The following UBE2A variants were observed in gnomAD, a reference collection of about 807,000 sequenced individuals.
UBE2A encodes ubiquitin-conjugating enzyme E2 A.
For missense variants in UBE2A, 27 were observed against 125.8 expected, an observed-to-expected ratio of 0.21 and a Z score of 3.76; for synonymous variants, 39 against 41.1, an observed-to-expected ratio of 0.95 and a Z score of 0.20.
intron 2 of UBE2A, 104 bp from the exon 3 acceptor site, chrX:119,575,271 G>C: frequency 8.9e-7 from 1 of 1,123,567 alleles, no homozygotes; most frequent in South Asian, 1.8e-5. Context: ...TTCCGACCCC[G>C]GTAGCGGTGC....
At chrX:119,582,253 CA>C (rs1445016469) in intron 4 of UBE2A, 3 of 149,908 alleles carry the variant, frequency 2.0e-5, no homozygotes, top group Admixed American at 7.7e-5. Context: ...ATACAGCCTA[CA>C]AATTTGGTGG....
At chrX:119,580,979 T>C (rs905636591) in intron 3 of UBE2A, 2 of 112,392 alleles carry the variant, frequency 1.8e-5, no homozygotes, top group Non-Finnish European at 3.8e-5. Flanking sequence ...AAGTTTTCAT[T>C]ATAGGGTCAC....
chrX:119,578,773 G>A (rs1033803181), intron 3 of UBE2A, among the ~76,000 whole-genome samples: 2 of 111,167 alleles, frequency 1.8e-5, no homozygotes, highest in Admixed American at 9.6e-5. Context: ...CACTTAACAC[G>A]TTTATGTAAT....
At position 119,581,710 on chromosome X, in the gene UBE2A, T is replaced by C. The variant is rs949945427; in HGVS notation, c.241+114T>C. The stretch of plus-strand genomic sequence containing the variant: ...AGTATTTGTTTAGGCAGCTTGCTGC[T>C]TCTTGAAAGCTGAACTTGTTCTTGG... On this transcript the variant is annotated intron_variant, in intron 4 of 5. Coordinates refer to ENST00000371558, the MANE Select transcript of UBE2A (RefSeq NM_003336.4). The C allele has an allele frequency of 8.4e-6, 5 of 591,928 alleles. No individual in the cohort carries two copies. In the Admixed American group the frequency reaches 1.3e-4, roughly 15 times the overall value. 48.8% of individuals were successfully genotyped at this position (591,928 alleles called of 1,213,427 possible). A position where few individuals can be genotyped will look rare whatever the true frequency, so the allele number is the denominator to read the frequency against.
chrX:119,578,695 AGT>A (rs1380851984), intron 3 of UBE2A, among the ~76,000 whole-genome samples: 1 of 111,434 alleles, frequency 9.0e-6, no homozygotes. Flanking sequence ...TGACTTTGTG[AGT>A]GTCTTTAGGC....
intron 3 of UBE2A, among the ~76,000 whole-genome samples, chrX:119,578,147 G>T (rs7892285): frequency 0.044 from 4,937 of 111,631 alleles, 97 homozygotes; most frequent in South Asian, 0.094. Flanking sequence ...TTAGAGTGAT[G>T]AAATCTTAAG....
rs756364550 is a variant in UBE2A at position 119,583,588 on chromosome X, T to C, written c.*333T>C. On this transcript the variant is annotated 3_prime_UTR_variant, in exon 6 of 6. Coordinates refer to ENST00000371558, the MANE Select transcript of UBE2A (RefSeq NM_003336.4). ...TGAATTGTTATACAAGAGGTGCTTATGCTTAGCTTGATGACCAGGATGTTA... is the reference window on the plus strand; with the variant it reads ...TGAATTGTTATACAAGAGGTGCTTACGCTTAGCTTGATGACCAGGATGTTA... 5 of 230,860 alleles carry C rather than the reference T, an allele frequency of 2.2e-5. No individual in the cohort carries two copies. The East Asian group carries it at 3.1e-4, about 14-fold the overall frequency. The allele number at this position is 230,860 out of a possible 1,213,427, so 19.0% of individuals were successfully genotyped here. A position where few individuals can be genotyped will look rare whatever the true frequency, so the allele number is the denominator to read the frequency against.
At chrX:119,575,060 G>T in intron 2 of UBE2A, 79 bp downstream of exon 2, 1 of 1,132,259 alleles carries the variant, frequency 8.8e-7, no homozygotes, top group South Asian at 1.8e-5. Flanking sequence ...CGGGCCCCCC[G>T]CGGAGGCCGA....
chrX:119,577,910 A>G (rs1018445629), intron 3 of UBE2A, among the ~76,000 whole-genome samples: 2 of 110,996 alleles, frequency 1.8e-5, no homozygotes, highest in Non-Finnish European at 3.8e-5. Context: ...CCAAAGTGCT[A>G]TGATTACAGG....
intron 5 of UBE2A, 23 bp downstream of exon 5, chrX:119,582,699 G>A (rs370211550): frequency 2.2e-5 from 23 of 1,067,135 alleles, no homozygotes; most frequent in African/African-American, 2.0e-4. Flanking sequence ...TTAATGTGAC[G>A]AACTATAACT....
chrX:119,576,562 CA>C (rs1369487487), intron 3 of UBE2A, among the ~76,000 whole-genome samples: 3 of 111,679 alleles, frequency 2.7e-5, no homozygotes, highest in Non-Finnish European at 5.6e-5. Flanking sequence ...AACATTTCTG[CA>C]AACTACTTAA....
chrX:119,580,279 G>C (rs2053441940), intron 3 of UBE2A: 1 of 112,099 alleles, frequency 8.9e-6, no homozygotes, highest in East Asian at 2.8e-4. Flanking sequence ...CAATGAGCTT[G>C]CTAAAAACAA....
In UBE2A at chrX:119,582,698, C is replaced by T. The variant is rs112574846; in HGVS notation, c.330+22C>T. ...ACAGGTGAATTTTTCCTTAATGTGA[C>T]GAACTATAACTTTTAATATGTTTAT... On this transcript the variant is annotated intron_variant, in intron 5 of 5. Transcript: ENST00000371558. 4.1e-3 allele frequency: 4,328 copies of T among 1,065,762 alleles called. 82 individuals carry two copies. The African/African-American group carries it at 0.065, about 16-fold the overall frequency. 87.8% of individuals were successfully genotyped at this position (1,065,762 alleles called of 1,213,427 possible). A position where few individuals can be genotyped will look rare whatever the true frequency, so the allele number is the denominator to read the frequency against.
At position 119,583,691 on chromosome X, in the gene UBE2A, T is replaced by C. The variant is rs1166244020; in HGVS notation, c.*436T>C. The C allele has an allele frequency of 6.3e-6, 1 of 158,484 alleles. No individual in the cohort carries two copies. Among genetic ancestry groups the C allele is most frequent in the East Asian group, 1.7e-4 (1 of 5,860 alleles). 13.1% of individuals were successfully genotyped at this position (158,484 alleles called of 1,213,427 possible). ...TGTTGGATTTAGAAGTGAATGTGTT[T>C]GGAATATGGCCTACAGAGAATAGAA... On this transcript the variant is annotated 3_prime_UTR_variant, in exon 6 of 6. Coordinates refer to ENST00000371558, the MANE Select transcript of UBE2A (RefSeq NM_003336.4).
At chrX:119,582,385 T>C in intron 4 of UBE2A, 1 of 341,438 alleles carries the variant, frequency 2.9e-6, no homozygotes, top group Non-Finnish European at 5.2e-6. Context: ...AGTTTTATAC[T>C]GATCACATCT....
At position 119,574,570 on chromosome X, in the gene UBE2A, C is replaced by A. The variant is rs1283043301; in HGVS notation, c.-142C>A. 1.2e-6 allele frequency: 1 copy of A among 839,351 alleles called. No homozygotes were observed. Among genetic ancestry groups the A allele is most frequent in the Middle Eastern group, 2.8e-4 (1 of 3,635 alleles). The allele number at this position is 839,351 out of a possible 1,213,427, so 69.2% of individuals were successfully genotyped here. A position where few individuals can be genotyped will look rare whatever the true frequency, so the allele number is the denominator to read the frequency against. On this transcript the variant is annotated 5_prime_UTR_variant, in exon 1 of 6. Coordinates refer to ENST00000371558, the MANE Select transcript of UBE2A (RefSeq NM_003336.4). Reference sequence around the variant, plus strand: ...TGGTGCTTAGCCGGCGCCAGACCGACCCTCGACTTCGGAGAGGCAGCGCGG... The same window carrying A: ...TGGTGCTTAGCCGGCGCCAGACCGAACCTCGACTTCGGAGAGGCAGCGCGG...
chrX:119,575,029 G>A, intron 2 of UBE2A, 48 bp downstream of exon 2: 1 of 1,185,301 alleles, frequency 8.4e-7, no homozygotes, highest in South Asian at 1.8e-5. Context: ...GACGCGAGCA[G>A]CTTCGGTCTG....
In UBE2A at chrX:119,574,603, G is replaced by T; in HGVS notation, c.-109G>T. On this transcript the variant is annotated 5_prime_UTR_variant, in exon 1 of 6. Coordinates refer to ENST00000371558, the MANE Select transcript of UBE2A (RefSeq NM_003336.4). Reference sequence around the variant, plus strand: ...TTCGGAGAGGCAGCGCGGTTCCTCTGGGTGCTTCCGCCTCCCCTTCTCCTG... The same window carrying T: ...TTCGGAGAGGCAGCGCGGTTCCTCTTGGTGCTTCCGCCTCCCCTTCTCCTG... 9.6e-7 allele frequency: 1 copy of T among 1,042,119 alleles called. No homozygotes were observed. The highest frequency in any genetic ancestry group is 1.3e-6 in the Non-Finnish European group (1 of 765,904). The allele number at this position is 1,042,119 out of a possible 1,213,427, so 85.9% of individuals were successfully genotyped here. A position where few individuals can be genotyped will look rare whatever the true frequency, so the allele number is the denominator to read the frequency against.
chrX:119,578,916 A>G (rs2053434729), intron 3 of UBE2A, among the ~76,000 whole-genome samples: 1 of 112,167 alleles, frequency 8.9e-6, no homozygotes, highest in African/African-American at 3.2e-5. Context: ...GTTATTTTAA[A>G]GCCTAGCCTT....
Sources: gnomAD v4.1 joint callset for allele counts (sites outside exome capture counted in the v4.1 genomes callset) on GRCh38, gnomAD v4.1.1 for gene constraint, MANE v1.5 for transcripts, NCBI Gene and HGNC (gene_info 2026-07-23, HGNC 2026-07-21) for gene names.